ALDH3B2: variants seen among roughly 807,000 people sequenced by gnomAD.
ALDH3B2 encodes aldehyde dehydrogenase 3 family member B2, also known as aldehyde dehydrogenase family 3 member B2.
Under a neutral mutation model 36.7 loss-of-function variants are expected in ALDH3B2, and 45 were observed. The ratio of observed to expected loss-of-function variants is 1.23; its 90% CI spans 0.97 to 1.57. ALDH3B2 has a LOEUF of 1.57. Among genes scored for constraint, ALDH3B2 ranks in the 40% most tolerant of loss-of-function variants. The pLI, the probability that ALDH3B2 is intolerant of heterozygous loss-of-function variation, is 0.00. For missense variants in ALDH3B2, 464 were observed against 513.3 expected (o/e 0.90, Z 0.93); for synonymous variants, 217 against 226.5 (o/e 0.96, Z 0.38).
chr11:67,667,010 A>G, exon 3 of ALDH3B2: 1 of 1,587,182 alleles, frequency 6.3e-7, no homozygotes, highest in Non-Finnish European at 8.7e-7. Flanking sequence ...TCTGCCTCGA[A>G]AGCTGGCTGT....
In ALDH3B2 at chr11:67,667,481, G is replaced by T; in HGVS notation, c.-90C>A. The T allele has an allele frequency of 2.6e-6, 1 of 385,702 alleles. No homozygotes were observed. 23.9% of individuals were successfully genotyped at this position (385,702 alleles called of 1,614,324 possible). A position where few individuals can be genotyped will look rare whatever the true frequency, so the allele number is the denominator to read the frequency against. Reference sequence around the variant, plus strand: ...CACTCTCCACGGCCCACCTTATGCAGGTCCTGGGCCAGCACGTCGCGCAGA... The same window carrying T: ...CACTCTCCACGGCCCACCTTATGCATGTCCTGGGCCAGCACGTCGCGCAGA... On this transcript the variant is annotated 5_prime_UTR_variant, in exon 2 of 10. The change creates a new upstream start codon in the 5' untranslated region. Transcript: ENST00000349015.
chr11:67,663,554 T>C, intron 9 of ALDH3B2, 108 bp downstream of exon 9: 6 of 1,367,638 alleles, frequency 4.4e-6, no homozygotes, highest in Non-Finnish European at 6.1e-6. Context: ...ACTGAGGCCT[T>C]GAGAGGCCCA....
At position 67,665,490 on chromosome 11, in the gene ALDH3B2, G is replaced by C. The variant is rs754993637; in HGVS notation, c.501C>G (p.Asp167Glu). ...GCATCTCGGGGCTGCACAGGACGTA[G>C]TCAGGGGCCACGCAGGTCTGGCCGG... Residue 167 changes from aspartate (D) to glutamate (E), a missense_variant, in exon 7 of 10, where the codon GAC becomes GAG. Transcript: ENST00000349015. 1.2e-5 allele frequency: 20 copies of C among 1,614,024 alleles called. No individual in the cohort carries two copies. The African/African-American group carries it at 1.6e-4, about 13-fold the overall frequency.
At chr11:67,671,164 C>T (rs1856099436) in intron 1 of ALDH3B2, 1 of 152,288 alleles carries the variant, frequency 6.6e-6, no homozygotes, top group Non-Finnish European at 1.5e-5. Context: ...ACACAGGTGT[C>T]CTGATGTTCA....
chr11:67,672,130 GTGTGTA>G (rs1856143178), intron 1 of ALDH3B2, among the ~76,000 whole-genome samples: 1 of 47,818 alleles, frequency 2.1e-5, no homozygotes, highest in African/African-American at 6.7e-5. Context: ...GTGTGTGTGT[GTGTGTA>G]TATATATATG....
chr11:67,674,631 T>C lies in ALDH3B2; in HGVS notation c.-439A>G, dbSNP rs1223784310. 6.6e-6 allele frequency: 1 copy of C among 152,404 alleles called. No individual in the cohort carries two copies. The highest frequency in any genetic ancestry group is 1.5e-5 in the Non-Finnish European group (1 of 68,214). The allele number at this position is 152,404 out of a possible 1,614,324, so 9.4% of individuals were successfully genotyped here. A position where few individuals can be genotyped will look rare whatever the true frequency, so the allele number is the denominator to read the frequency against. On this transcript the variant is annotated 5_prime_UTR_variant, in exon 1 of 10. Coordinates refer to ENST00000349015, the Ensembl canonical transcript of ALDH3B2. ...CCTGGCAATGGGGTAATCAATGGGG[T>C]GATGCTCAGTGTTACCCAACAGGCG...
intron 1 of ALDH3B2, among the ~76,000 whole-genome samples, chr11:67,670,644 G>A (rs1451214719): frequency 6.6e-6 from 1 of 152,194 alleles, no homozygotes; most frequent in Non-Finnish European, 1.5e-5. Flanking sequence ...TGAATGACAA[G>A]ATGAGGAGAG....
intron 1 of ALDH3B2, chr11:67,681,077 C>T (rs1856359216): frequency 6.6e-6 from 1 of 152,374 alleles, no homozygotes; most frequent in Admixed American, 6.5e-5. Context: ...TGTTCTCACA[C>T]TGCTAATAAA....
intron 1 of ALDH3B2, among the ~76,000 whole-genome samples, chr11:67,673,492 T>C (rs2134157590): frequency 6.6e-6 from 1 of 152,176 alleles, no homozygotes; most frequent in East Asian, 1.9e-4. Flanking sequence ...GGAGGGCCTC[T>C]TGGAGGGCAG....
chr11:67,672,128 G>GTA (rs1196254344), intron 1 of ALDH3B2, among the ~76,000 whole-genome samples: 2 of 39,248 alleles, frequency 5.1e-5, no homozygotes, highest in African/African-American at 6.8e-5. Flanking sequence ...GTGTGTGTGT[G>GTA]TGTGTGTATA....
chr11:67,671,548 CT>C (rs1363475750), intron 1 of ALDH3B2, among the ~76,000 whole-genome samples: 26 of 139,278 alleles, frequency 1.9e-4, no homozygotes, highest in Admixed American at 5.5e-4. Context: ...CCTCCCCCCC[CT>C]TTTTTTTTTT....
intron 7 of ALDH3B2, 92 bp downstream of exon 7, chr11:67,665,193 A>G: frequency 6.6e-7 from 1 of 1,513,214 alleles, no homozygotes; most frequent in Middle Eastern, 1.8e-4. Context: ...GCCGGGTTTC[A>G]GGTGCGAGTC....
rs184239078 is a variant in ALDH3B2 at position 67,665,678 on chromosome 11, G to C, written c.320-7C>G. On this transcript the variant is annotated splice_region_variant and splice_polypyrimidine_tract_variant and intron_variant, in intron 6 of 9. Coordinates refer to ENST00000349015, the Ensembl canonical transcript of ALDH3B2. The stretch of plus-strand genomic sequence containing the variant: ...TTGCCCACACGAGGGCTCCCTGGGC[G>C]TGGAAGGAAACCAGAGTGGCCAGTC... 6.3e-7 allele frequency: 1 copy of C among 1,596,784 alleles called. No homozygotes were observed. The highest frequency in any genetic ancestry group is 1.3e-5 in the African/African-American group (1 of 74,778).
At chr11:67,672,149 T>TG (rs1491503404) in intron 1 of ALDH3B2, among the ~76,000 whole-genome samples, 17 of 11,324 alleles carry the variant, frequency 1.5e-3, no homozygotes, top group African/African-American at 2.2e-3. Flanking sequence ...TATATATGTA[T>TG]TTTTTTTTTT....
intron 3 of ALDH3B2, 77 bp downstream of exon 3, chr11:67,666,829 C>T (rs1855933581): frequency 6.2e-7 from 1 of 1,611,798 alleles, no homozygotes; most frequent in Non-Finnish European, 8.5e-7. Context: ...CCCGGGGCCT[C>T]AGGGGCAGAA....
At chr11:67,674,304 C>T (rs868701584) in intron 1 of ALDH3B2, 132 bp downstream of exon 1, 1 of 152,776 alleles carries the variant, frequency 6.5e-6, no homozygotes, top group South Asian at 2.1e-4. Context: ...AGCCATAGGC[C>T]CCTTGGTGGG....
chr11:67,662,794 T>G, exon 10 of ALDH3B2: 2 of 189,498 alleles, frequency 1.1e-5, no homozygotes, highest in East Asian at 1.6e-4. Context: ...GGGGCAGAGA[T>G]GGAAGTGCGC....
At chr11:67,663,552 C>A (rs1565245051) in intron 9 of ALDH3B2, 110 bp downstream of exon 9, 1 of 1,366,136 alleles carries the variant, frequency 7.3e-7, no homozygotes, top group South Asian at 1.3e-5. Flanking sequence ...AAACTGAGGC[C>A]TTGAGAGGCC....
chr11:67,665,743 G>C, intron 6 of ALDH3B2, 72 bp from the exon 7 acceptor site: 1 of 1,536,268 alleles, frequency 6.5e-7, no homozygotes, highest in Non-Finnish European at 8.7e-7. Flanking sequence ...CCCAGAGCCT[G>C]CTCCTCCCTG....
Sources: allele counts gnomAD v4.1 joint callset (sites outside exome capture counted in the v4.1 genomes callset), GRCh38; gene constraint gnomAD v4.1.1; transcripts MANE v1.5; gene names NCBI Gene and HGNC (gene_info 2026-07-23, HGNC 2026-07-21).